GRM5: variants seen among roughly 807,000 people sequenced by gnomAD.
GRM5 encodes the protein glutamate metabotropic receptor 5.
GRM5 carries 19 observed loss-of-function variants against 83.1 expected under a neutral mutation model. The observed-to-expected ratio is 0.23, with a 90% confidence interval of 0.16 to 0.34. The LOEUF is 0.34. Among genes scored for constraint, GRM5 ranks in the 10% least tolerant of loss-of-function variants. The pLI is 1.00. For synonymous variants in GRM5, 675 were observed against 633.6 expected, an observed-to-expected ratio of 1.07 and a Z score of -0.98; for missense variants, 1,160 against 1,588.3, an observed-to-expected ratio of 0.73 and a Z score of 4.58.
At chr11:88,578,524 A>G (rs182117655) in intron 7 of GRM5, among the ~76,000 whole-genome samples, 6 of 152,258 alleles carry the variant, frequency 3.9e-5, no homozygotes, top group Non-Finnish European at 7.4e-5. Context: ...AACATGGTGA[A>G]CATTTTTCAT....
chr11:88,560,222 G>T (rs575384224), intron 8 of GRM5, among the ~76,000 whole-genome samples: 20 of 152,142 alleles, frequency 1.3e-4, no homozygotes, highest in Non-Finnish European at 2.1e-4. Context: ...AGCCCTGAAG[G>T]CTTCTAAACA....
chr11:88,816,849 AC>A (rs748355250), intron 3 of GRM5, among the ~76,000 whole-genome samples: 57 of 151,928 alleles, frequency 3.8e-4, no homozygotes, highest in Non-Finnish European at 6.3e-4. Context: ...TCATAAAAAA[AC>A]AGTGTAAACA....
At chr11:89,054,760 T>C (rs751760296) in intron 1 of GRM5, among the ~76,000 whole-genome samples, 1 of 152,158 alleles carries the variant, frequency 6.6e-6, no homozygotes, top group Non-Finnish European at 1.5e-5. Flanking sequence ...TGTTGTATCA[T>C]GCAGAAATAA....
At chr11:88,642,561 T>C (rs1395997796) in intron 4 of GRM5, among the ~76,000 whole-genome samples, 3 of 152,214 alleles carry the variant, frequency 2.0e-5, no homozygotes, top group African/African-American at 7.2e-5. Flanking sequence ...TCTTCTTCTC[T>C]TTTAAATATA....
chr11:88,579,849 C>G (rs1172058085), intron 7 of GRM5, among the ~76,000 whole-genome samples: 1 of 152,120 alleles, frequency 6.6e-6, no homozygotes, highest in East Asian at 1.9e-4. Flanking sequence ...AAAAAGATAT[C>G]TCTGCCTGGA....
rs746264580 is a variant in GRM5 at position 88,509,354 on chromosome 11, A to T, written c.2877T>A (p.Arg959=). Residue 959 remains arginine (R), a synonymous_variant, in exon 10 of 10, where the codon CGT becomes CGA. Coordinates refer to ENST00000305447, the MANE Select transcript of GRM5 (RefSeq NM_001143831.3). ...IKPFPKSTES[R]GLGAGAGAGG... ...CTGCGCCAGCGCCAGCGCCCAGGCC[A>T]CGGCTCTCCGTGCTCTTGGGGAAGG... 1 of 1,609,836 alleles carries T rather than the reference A, an allele frequency of 6.2e-7. No individual in the cohort carries two copies. The highest frequency in any genetic ancestry group is 1.1e-5 in the South Asian group (1 of 90,760).
intron 3 of GRM5, among the ~76,000 whole-genome samples, chr11:88,832,139 T>G (rs1264608570): frequency 1.3e-5 from 2 of 152,166 alleles, no homozygotes; most frequent in East Asian, 3.8e-4. Context: ...ACTACACTAC[T>G]GCACACACTC....
At chr11:89,007,579 A>G (rs1355245577) in intron 2 of GRM5, among the ~76,000 whole-genome samples, 1 of 152,202 alleles carries the variant, frequency 6.6e-6, no homozygotes, top group Non-Finnish European at 1.5e-5. Flanking sequence ...GTACAAAGAG[A>G]CTAGATAGGT....
At chr11:88,760,384 C>T (rs947640447) in intron 3 of GRM5, among the ~76,000 whole-genome samples, 1 of 151,998 alleles carries the variant, frequency 6.6e-6, no homozygotes, top group South Asian at 2.1e-4. Flanking sequence ...GATTTTACCA[C>T]GGACCCCATA....
intron 2 of GRM5, among the ~76,000 whole-genome samples, chr11:88,954,297 T>C (rs1006373977): frequency 3.9e-5 from 6 of 152,152 alleles, no homozygotes; most frequent in Non-Finnish European, 7.4e-5. Context: ...AAGCTTTTCA[T>C]TGACCTCATG....
intron 2 of GRM5, among the ~76,000 whole-genome samples, chr11:88,975,449 G>T (rs1383091839): frequency 6.6e-6 from 1 of 152,080 alleles, no homozygotes; most frequent in Admixed American, 6.6e-5. Context: ...TAATTCAAGG[G>T]GTTTGAAAGG....
intron 2 of GRM5, among the ~76,000 whole-genome samples, chr11:88,909,443 C>G (rs1035057445): frequency 3.4e-5 from 5 of 148,460 alleles, no homozygotes; most frequent in African/African-American, 7.5e-5. Flanking sequence ...CACTGCCATC[C>G]CTTTTTTTTC....
intron 3 of GRM5, among the ~76,000 whole-genome samples, chr11:88,767,189 T>A (rs1942640146): frequency 6.6e-6 from 1 of 151,934 alleles, no homozygotes; most frequent in Non-Finnish European, 1.5e-5. Context: ...TAAAAGATGC[T>A]GGTGAAGTTG....
At chr11:88,591,438 G>A (rs1937637911) in intron 6 of GRM5, among the ~76,000 whole-genome samples, 1 of 152,084 alleles carries the variant, frequency 6.6e-6, no homozygotes, top group Non-Finnish European at 1.5e-5. Context: ...TTTAACAGTT[G>A]AAAGAGTCAC....
chr11:88,547,213 G>T (rs139386910), intron 8 of GRM5, among the ~76,000 whole-genome samples: 1,656 of 152,186 alleles, frequency 0.011, 32 homozygotes, highest in African/African-American at 0.037. Context: ...ATTACAAATG[G>T]ATTTATTTGA....
chr11:88,696,607 C>T (rs936282346), intron 3 of GRM5, among the ~76,000 whole-genome samples: 1 of 152,180 alleles, frequency 6.6e-6, no homozygotes, highest in Non-Finnish European at 1.5e-5. Flanking sequence ...GTCAGACACA[C>T]CTGGATTCCG....
intron 3 of GRM5, among the ~76,000 whole-genome samples, chr11:88,721,211 A>C (rs546613703): frequency 6.6e-6 from 1 of 152,138 alleles, no homozygotes; most frequent in Non-Finnish European, 1.5e-5. Context: ...ATCGTTGGCT[A>C]TAACAGTGAA....
At chr11:88,988,357 A>G (rs1388786383) in intron 2 of GRM5, among the ~76,000 whole-genome samples, 1 of 150,362 alleles carries the variant, frequency 6.7e-6, no homozygotes, top group Non-Finnish European at 1.5e-5. Flanking sequence ...ATATGGGACT[A>G]TGTGAAAAGA....
chr11:88,610,137 C>G (rs1261579836), intron 4 of GRM5, among the ~76,000 whole-genome samples: 2 of 152,048 alleles, frequency 1.3e-5, no homozygotes, highest in Non-Finnish European at 1.5e-5. Flanking sequence ...TTGCTGTAGC[C>G]TGGTAGTATA....
Sources: gnomAD v4.1 joint callset for allele counts (sites outside exome capture counted in the v4.1 genomes callset) on GRCh38, gnomAD v4.1.1 for gene constraint, MANE v1.5 for transcripts, NCBI Gene and HGNC (gene_info 2026-07-23, HGNC 2026-07-21) for gene names.